LRRTM3: variants seen among roughly 807,000 people sequenced by gnomAD.
LRRTM3 encodes leucine rich repeat transmembrane neuronal 3.
Under a neutral mutation model 44.7 loss-of-function variants are expected in LRRTM3, and 24 were observed. That is an observed-to-expected ratio of 0.54 (90% CI 0.39 to 0.76). The LOEUF (loss-of-function observed/expected upper bound fraction) is 0.76, where lower values mean the gene tolerates loss of function less well. LRRTM3 is among the 30% of genes least tolerant of loss of function. The pLI is 0.00. For synonymous variants in LRRTM3, 277 were observed against 278.7 expected (o/e 0.99, Z 0.06); for missense variants, 587 against 702.2 (o/e 0.84, Z 1.85).
intron 2 of LRRTM3, among the ~76,000 whole-genome samples, chr10:66,995,109 C>T (rs996133720): frequency 2.6e-5 from 4 of 152,164 alleles, no homozygotes; most frequent in African/African-American, 9.7e-5. Context: ...TCCAATTCCT[C>T]TGAGGTGTCA....
At chr10:66,931,674 A>G (rs1847401971) in intron 2 of LRRTM3, among the ~76,000 whole-genome samples, 1 of 151,794 alleles carries the variant, frequency 6.6e-6, no homozygotes, top group South Asian at 2.1e-4. Flanking sequence ...ATTTTATTTA[A>G]TTCATTTCCT....
intron 2 of LRRTM3, among the ~76,000 whole-genome samples, chr10:67,051,943 T>C (rs1482160817): frequency 6.6e-6 from 1 of 151,590 alleles, no homozygotes; most frequent in Non-Finnish European, 1.5e-5. Context: ...TTAGTAGAGA[T>C]GCAGTTTCAC....
chr10:67,086,861 C>T (rs1857341105), intron 2 of LRRTM3, among the ~76,000 whole-genome samples: 1 of 151,934 alleles, frequency 6.6e-6, no homozygotes, highest in Non-Finnish European at 1.5e-5. Flanking sequence ...TTCTGCCATA[C>T]TTATATAAAC....
chr10:67,090,443 A>C (rs1252523313), intron 2 of LRRTM3, among the ~76,000 whole-genome samples: 1 of 152,162 alleles, frequency 6.6e-6, no homozygotes, highest in South Asian at 2.1e-4. Context: ...AGAGAATCAG[A>C]TGCCTATATT....
At chr10:67,004,130 C>T (rs141640301) in intron 2 of LRRTM3, among the ~76,000 whole-genome samples, 275 of 151,056 alleles carry the variant, frequency 1.8e-3, no homozygotes, top group Middle Eastern at 7.1e-3. Flanking sequence ...GCTGTGGAGC[C>T]ATGGCTGTGT....
intron 2 of LRRTM3, among the ~76,000 whole-genome samples, chr10:67,025,350 C>T (rs1022439216): frequency 4.6e-5 from 7 of 151,862 alleles, no homozygotes; most frequent in South Asian, 2.1e-4. Context: ...AACTCCTCTC[C>T]CCAAACTAAA....
intron 2 of LRRTM3, among the ~76,000 whole-genome samples, chr10:66,935,855 T>C (rs905972263): frequency 2.0e-5 from 3 of 149,896 alleles, no homozygotes; most frequent in African/African-American, 7.6e-5. Flanking sequence ...TCATTAATCC[T>C]ATACATTTTC....
At chr10:67,088,309 G>A (rs765277519) in intron 2 of LRRTM3, among the ~76,000 whole-genome samples, 3 of 151,558 alleles carry the variant, frequency 2.0e-5, no homozygotes, top group East Asian at 1.9e-4. Flanking sequence ...ATAAATTAAC[G>A]AATGAATATT....
chr10:66,978,323 C>T (rs541846627), intron 2 of LRRTM3, among the ~76,000 whole-genome samples: 200 of 151,272 alleles, frequency 1.3e-3, no homozygotes, highest in African/African-American at 4.6e-3. Flanking sequence ...GTCAGGAGTT[C>T]GAGACCAGCC....
At chr10:67,017,986 G>A (rs1283114714) in intron 2 of LRRTM3, among the ~76,000 whole-genome samples, 1 of 152,056 alleles carries the variant, frequency 6.6e-6, no homozygotes, top group African/African-American at 2.4e-5. Context: ...TGGCAAGGCT[G>A]GTCTCAAACT....
Position 66,926,287 on chromosome 10 carries a change from A to AC in LRRTM3, c.-291dup, listed in dbSNP as rs1847069118. On this transcript the variant is annotated 5_prime_UTR_variant, in exon 1 of 3. Transcript: ENST00000361320. Reference sequence around the variant, plus strand: ...TTTTTTTTTTAACCGCCCCCTCCCCACCCCCCAAAAAACTGTAAAGATGCA... The same window carrying AC: ...TTTTTTTTTTAACCGCCCCCTCCCCACCCCCCCAAAAAACTGTAAAGATGCA... 8.0e-6 allele frequency: 3 copies of AC among 374,084 alleles called. No homozygotes were observed. The highest frequency in any genetic ancestry group is 2.4e-5 in the African/African-American group (1 of 40,952). 23.2% of individuals were successfully genotyped at this position (374,084 alleles called of 1,614,324 possible). A position where few individuals can be genotyped will look rare whatever the true frequency, so the allele number is the denominator to read the frequency against.
chr10:67,042,788 T>C (rs888048718), intron 2 of LRRTM3, among the ~76,000 whole-genome samples: 9 of 152,150 alleles, frequency 5.9e-5, no homozygotes, highest in Non-Finnish European at 1.2e-4. Flanking sequence ...AAGAAGTCCA[T>C]GGTGTCAGTT....
At chr10:66,938,516 A>G (rs1407143153) in intron 2 of LRRTM3, among the ~76,000 whole-genome samples, 4 of 152,162 alleles carry the variant, frequency 2.6e-5, no homozygotes, top group Admixed American at 2.6e-4. Flanking sequence ...GGATAATCCT[A>G]AAGGTCTTCA....
rs779052520 is a variant in LRRTM3 at position 66,927,895 on chromosome 10, C to T, written c.979C>T (p.Leu327=). 6 of 1,614,086 alleles carry T rather than the reference C, an allele frequency of 3.7e-6. No individual in the cohort carries two copies. In the East Asian group the frequency reaches 1.3e-4, roughly 36 times the overall value. The part of the protein sequence containing the change: ...SRNICSLVNW[L]KSFKGLRENT... Reference sequence around the variant, plus strand: ...AAATATTTGCTCCCTTGTAAACTGGCTGAAAAGTTTTAAAGGTCTAAGGGA... The same window carrying T: ...AAATATTTGCTCCCTTGTAAACTGGTTGAAAAGTTTTAAAGGTCTAAGGGA... Residue 327 remains leucine (L), a synonymous_variant, in exon 2 of 3, where the codon CTG becomes TTG. Coordinates refer to ENST00000361320, the MANE Select transcript of LRRTM3 (RefSeq NM_178011.5). The surrounding 1 kb of genome is among the most constrained non-coding windows in gnomAD (Gnocchi z 4.7).
At chr10:67,062,114 T>C (rs1855790436) in intron 2 of LRRTM3, among the ~76,000 whole-genome samples, 1 of 152,132 alleles carries the variant, frequency 6.6e-6, no homozygotes, top group South Asian at 2.1e-4. Context: ...ATATATACAT[T>C]ATCTCTTAGG....
chr10:66,949,386 G>T (rs974885347), intron 2 of LRRTM3, among the ~76,000 whole-genome samples: 4 of 151,914 alleles, frequency 2.6e-5, no homozygotes, highest in Admixed American at 2.0e-4. Flanking sequence ...GAGAAACCCC[G>T]TCTCTACTAA....
intron 2 of LRRTM3, among the ~76,000 whole-genome samples, chr10:67,079,824 G>A (rs979561202): frequency 6.7e-6 from 1 of 149,658 alleles, no homozygotes; most frequent in African/African-American, 2.5e-5. Context: ...CTCCAGCCTG[G>A]GTGGCACAGC....
chr10:67,027,313 C>T (rs1316734252), intron 2 of LRRTM3, among the ~76,000 whole-genome samples: 3 of 152,130 alleles, frequency 2.0e-5, no homozygotes, highest in Non-Finnish European at 2.9e-5. Context: ...GAAAGTTTTA[C>T]ATCTGACATT....
chr10:66,996,710 A>C (rs998867450), intron 2 of LRRTM3, among the ~76,000 whole-genome samples: 28 of 146,348 alleles, frequency 1.9e-4, no homozygotes, highest in African/African-American at 6.5e-4. Context: ...TATTTGAGTT[A>C]ATTAGCGCCT....
Sources: allele counts gnomAD v4.1 joint callset (sites outside exome capture counted in the v4.1 genomes callset), GRCh38; gene constraint gnomAD v4.1.1; non-coding constraint Gnocchi (gnomAD v3.1); transcripts MANE v1.5; gene names NCBI Gene and HGNC (gene_info 2026-07-23, HGNC 2026-07-21).